Variants in ZNF697 observed in about 807,000 individuals in gnomAD.
ZNF697 encodes the protein zinc finger protein 697.
Under a neutral mutation model 32.4 loss-of-function variants are expected in ZNF697, and 23 were observed. The observed-to-expected ratio is 0.71, with a 90% confidence interval of 0.51 to 1.01. The LOEUF is 1.01. Ranked by LOEUF, ZNF697 falls within the 50% of genes least tolerant of loss-of-function variation. The pLI is 0.00. For synonymous variants in ZNF697, 418 were observed against 337.2 expected, an observed-to-expected ratio of 1.24 and a Z score of -2.62; for missense variants, 930 against 794.0, an observed-to-expected ratio of 1.17 and a Z score of -2.06.
In ZNF697 at chr1:119,622,441, C is replaced by T; in HGVS notation, c.*264G>A. 1.9e-6 allele frequency: 1 copy of T among 532,130 alleles called. No homozygotes were observed. The highest frequency in any genetic ancestry group is 4.2e-5 in the South Asian group (1 of 23,912). 33.0% of individuals were successfully genotyped at this position (532,130 alleles called of 1,614,324 possible). On this transcript the variant is annotated 3_prime_UTR_variant, in exon 3 of 3. Coordinates refer to ENST00000421812, the MANE Select transcript of ZNF697 (RefSeq NM_001080470.2). ...GTGCCTGGTCCTCCAAGCTCTTCAC[C>T]CCCTACAGCGTGTATTTAAGGAAGT...
intron 1 of ZNF697, among the ~76,000 whole-genome samples, chr1:119,642,566 T>C (rs1295929784): frequency 6.6e-6 from 1 of 152,196 alleles, no homozygotes; most frequent in Non-Finnish European, 1.5e-5. Context: ...ATAATGTACA[T>C]ATATGTAAGC....
chr1:119,623,468 G>C lies in ZNF697; in HGVS notation c.875C>G (p.Ala292Gly), dbSNP rs1156973796. Residue 292 changes from alanine to glycine, a missense_variant, in exon 3 of 3, where the codon GCC becomes GGC. Ala to Gly is a moderately conservative substitution (Grantham distance 60, BLOSUM62 0). Transcript: ENST00000421812. Reference protein sequence around the residue: ...LHTGERPNLCADCGKSFSWRA... With the variant: ...LHTGERPNLCGDCGKSFSWRA... ...CCAGCTGAAGCTCTTGCCGCAGTCG[G>C]CGCACAGGTTGGGCCGCTCGCCCGT... 2 of 1,562,768 alleles carry C rather than the reference G, an allele frequency of 1.3e-6. No individual in the cohort carries two copies. Among genetic ancestry groups the C allele is most frequent in the South Asian group, 2.3e-5 (2 of 85,796 alleles).
chr1:119,622,772 G>T lies in ZNF697; in HGVS notation c.1571C>A (p.Ala524Glu). 3 of 1,589,110 alleles carry T rather than the reference G, an allele frequency of 1.9e-6. No homozygotes were observed. Among genetic ancestry groups the T allele is most frequent in the Non-Finnish European group, 2.6e-6 (3 of 1,167,834 alleles). ...ATAGCGGAAGCCTTTGCCGCAGCCCGCACACTTGTGCGGCTTGTTGCCCGT... is the reference window on the plus strand; with the variant it reads ...ATAGCGGAAGCCTTTGCCGCAGCCCTCACACTTGTGCGGCTTGTTGCCCGT... Reference protein sequence around the residue: ...IHTGNKPHKCAGCGKGFRYKT... With the variant: ...IHTGNKPHKCEGCGKGFRYKT... The change falls in exon 3 of 3, where the codon GCG becomes GAG. Residue 524 changes from alanine to glutamate, a missense_variant. Coordinates refer to ENST00000421812, the MANE Select transcript of ZNF697 (RefSeq NM_001080470.2).
At chr1:119,637,867 T>TA (rs952672452) in intron 1 of ZNF697, among the ~76,000 whole-genome samples, 3 of 151,976 alleles carry the variant, frequency 2.0e-5, no homozygotes, top group African/African-American at 7.3e-5. Flanking sequence ...AATGGAGTGT[T>TA]AGAGTAAACA....
chr1:119,625,974 GA>G lies in ZNF697; in HGVS notation c.126del (p.Pro43HisfsTer37). The stretch of plus-strand genomic sequence containing the variant: ...CCTTCTCTCTTGTTTGTGTCATGTG[GA>G]TTAGAGCCCATTTCTCTTTCTTCTG... Reference protein sequence around the residue: ...GDPEEREMGSNPHDTNKREGH... With the variant: ...GDPEEREMGSXPHDTNKREGH... On this transcript the variant is annotated frameshift_variant, in exon 2 of 3. Coordinates refer to ENST00000421812, the MANE Select transcript of ZNF697 (RefSeq NM_001080470.2). LOFTEE classifies it high-confidence loss of function. 6.2e-7 allele frequency: 1 copy of G among 1,614,016 alleles called. No homozygotes were observed.
intron 1 of ZNF697, among the ~76,000 whole-genome samples, chr1:119,630,102 C>T (rs1648718156): frequency 6.6e-6 from 1 of 152,162 alleles, no homozygotes; most frequent in African/African-American, 2.4e-5. Context: ...GGTGGGCATA[C>T]AAAACTAATT....
chr1:119,642,725 C>CACT (rs1649111164), intron 1 of ZNF697, among the ~76,000 whole-genome samples: 1 of 152,140 alleles, frequency 6.6e-6, no homozygotes, highest in Non-Finnish European at 1.5e-5. Flanking sequence ...ACTTACCATG[C>CACT]ACTACCCATT....
chr1:119,636,472 T>A (rs1484423622), intron 1 of ZNF697, among the ~76,000 whole-genome samples: 1 of 152,152 alleles, frequency 6.6e-6, no homozygotes, highest in Non-Finnish European at 1.5e-5. Context: ...GTTTCACCAC[T>A]ATATGCCACA....
chr1:119,623,306 CCCGCGCCGCTGGCCG>C lies in ZNF697; in HGVS notation c.1022_1036del (p.Ala341_Ala345del), dbSNP rs780039647. The C allele has an allele frequency of 7.5e-6, 10 of 1,327,948 alleles. No homozygotes were observed. The highest frequency in any genetic ancestry group is 3.3e-5 in the East Asian group (1 of 30,196). The allele number at this position is 1,327,948 out of a possible 1,614,324, so 82.3% of individuals were successfully genotyped here. A position where few individuals can be genotyped will look rare whatever the true frequency, so the allele number is the denominator to read the frequency against. ...GGCGAAGGGCCGCAGCGCCGCCGCC[CCCGCGCCGCTGGCCG>C]CCGCGTGCGCGCGCCGGTGGCTCAA... is the stretch of plus-strand genomic sequence containing the variant. On this transcript the variant is annotated inframe_deletion, in exon 3 of 3. Coordinates refer to ENST00000421812, the MANE Select transcript of ZNF697 (RefSeq NM_001080470.2).
At chr1:119,628,911 G>T (rs1648682007) in intron 1 of ZNF697, among the ~76,000 whole-genome samples, 1 of 152,170 alleles carries the variant, frequency 6.6e-6, no homozygotes, top group African/African-American at 2.4e-5. Flanking sequence ...CAGAGAGGAA[G>T]ACCAGAAGTT....
chr1:119,619,992 T>C lies in ZNF697; in HGVS notation c.*2713A>G, dbSNP rs1648258396. 7.5e-6 allele frequency: 1 copy of C among 132,546 alleles called. No homozygotes were observed. The highest frequency in any genetic ancestry group is 7.6e-5 in the Admixed American group (1 of 13,114). 8.2% of individuals were successfully genotyped at this position (132,546 alleles called of 1,614,324 possible). ...GTTAGCAGGGTTTGCCGAAGAAATA[T>C]TATTCTAAAACTAGATAGAAGAAAC... On this transcript the variant is annotated 3_prime_UTR_variant, in exon 3 of 3. Transcript: ENST00000421812.
Position 119,621,831 on chromosome 1 carries a change from TCA to T in ZNF697, c.*872_*873del, listed in dbSNP as rs1648324144. On this transcript the variant is annotated 3_prime_UTR_variant, in exon 3 of 3. Transcript: ENST00000421812. ...TCAAGGTGAGGTGGGAAAAGGAAAGTCACACATAGCTGTGATTGTTCCTTTTC... is the reference window on the plus strand; with the variant it reads ...TCAAGGTGAGGTGGGAAAAGGAAAGTCACATAGCTGTGATTGTTCCTTTTC... 1 of 151,884 alleles carries T rather than the reference TCA, an allele frequency of 6.6e-6. No individual in the cohort carries two copies. The highest frequency in any genetic ancestry group is 1.5e-5 in the Non-Finnish European group (1 of 68,012). The allele number at this position is 151,884 out of a possible 1,614,324, so 9.4% of individuals were successfully genotyped here.
intron 2 of ZNF697, 43 bp downstream of exon 2, chr1:119,625,832 G>GT: frequency 1.2e-6 from 2 of 1,605,094 alleles, no homozygotes; most frequent in Non-Finnish European, 1.7e-6. Flanking sequence ...AGAAGTAAGT[G>GT]TAACTTTGGC....
chr1:119,628,951 T>C (rs1648684035), intron 1 of ZNF697, among the ~76,000 whole-genome samples: 2 of 152,252 alleles, frequency 1.3e-5, no homozygotes, highest in Non-Finnish European at 2.9e-5. Flanking sequence ...TCAGTCACTT[T>C]GGGGGCTTTG....
intron 1 of ZNF697, among the ~76,000 whole-genome samples, chr1:119,642,176 G>C (rs1649094825): frequency 6.6e-6 from 1 of 152,204 alleles, no homozygotes; most frequent in Admixed American, 6.5e-5. Context: ...GGCAAACTAT[G>C]GAGACAGTAA....
chr1:119,625,357 G>GT lies in ZNF697; in HGVS notation c.226+517dup, dbSNP rs1010783611. 3.2e-4 allele frequency among the ~76,000 whole-genome samples: 49 copies of GT among 152,214 alleles called. 1 individual carries two copies. The highest frequency in any genetic ancestry group is 1.6e-4 in the Non-Finnish European group (11 of 68,038). On this transcript the variant is annotated intron_variant, in intron 2 of 2. Transcript: ENST00000421812. Reference sequence around the variant, plus strand: ...GCCCAGCATTCACTCTTTCAGGTCAGTAAGAGTAAGGCATTTAGCAGAGGC... The same window carrying GT: ...GCCCAGCATTCACTCTTTCAGGTCAGTTAAGAGTAAGGCATTTAGCAGAGGC...
chr1:119,642,848 A>G (rs587599845), intron 1 of ZNF697, among the ~76,000 whole-genome samples: 1 of 133,330 alleles, frequency 7.5e-6, no homozygotes, highest in Non-Finnish European at 1.6e-5. Context: ...CTATTATCAG[A>G]AATCATTGTC....
At chr1:119,642,322 T>G (rs1033007963) in intron 1 of ZNF697, among the ~76,000 whole-genome samples, 2 of 152,170 alleles carry the variant, frequency 1.3e-5, no homozygotes, top group Admixed American at 6.5e-5. Flanking sequence ...GTCAAAACCA[T>G]AGAATGTACA....
chr1:119,632,896 T>C (rs187641758), intron 1 of ZNF697, among the ~76,000 whole-genome samples: 1 of 152,354 alleles, frequency 6.6e-6, no homozygotes, highest in African/African-American at 2.4e-5. Flanking sequence ...TCCATTTTCC[T>C]GTATATTTTC....
Sources: gnomAD v4.1 joint callset for allele counts (sites outside exome capture counted in the v4.1 genomes callset) on GRCh38, gnomAD v4.1.1 for gene constraint, MANE v1.5 for transcripts, NCBI Gene and HGNC (gene_info 2026-07-23, HGNC 2026-07-21) for gene names.